The following MAPK4 variants were observed in gnomAD, a reference collection of about 807,000 sequenced individuals.
The protein encoded by MAPK4 is Erk3-related.
In MAPK4, 22 loss-of-function variants were observed where a neutral mutation model predicts 47.7. That is an observed-to-expected ratio of 0.46 (90% confidence interval 0.33 to 0.66). The LOEUF (loss-of-function observed/expected upper bound fraction) is 0.66. MAPK4 is among the 30% of genes least tolerant of loss of function. MAPK4 has a pLI of 0.02. For missense variants in MAPK4, 736 were observed against 831.7 expected, an observed-to-expected ratio of 0.88 and a Z score of 1.42; for synonymous variants, 390 against 365.7, an observed-to-expected ratio of 1.07 and a Z score of -0.76.
chr18:50,631,432 T>A (rs2042828910), intron 1 of MAPK4, among the ~76,000 whole-genome samples: 1 of 152,206 alleles, frequency 6.6e-6, no homozygotes, highest in South Asian at 2.1e-4. Context: ...TCACTAACAA[T>A]GTCCATGAGA....
intron 2 of MAPK4, among the ~76,000 whole-genome samples, chr18:50,708,980 G>A (rs1242860655): frequency 2.0e-5 from 3 of 152,172 alleles, no homozygotes; most frequent in South Asian, 2.1e-4. Flanking sequence ...ATAAATGTTA[G>A]CTGGTATTAT....
intron 2 of MAPK4, among the ~76,000 whole-genome samples, chr18:50,687,215 G>A (rs1465609218): frequency 6.6e-6 from 1 of 152,036 alleles, no homozygotes; most frequent in African/African-American, 2.4e-5. Flanking sequence ...TATAGAGACA[G>A]GTTCTCACTG....
intron 2 of MAPK4, among the ~76,000 whole-genome samples, chr18:50,675,207 G>C (rs1018450922): frequency 2.0e-5 from 3 of 152,176 alleles, no homozygotes; most frequent in African/African-American, 7.2e-5. Flanking sequence ...CTCAGAGACT[G>C]TGCTCTCAGC....
At chr18:50,627,147 T>G (rs571035193) in intron 1 of MAPK4, among the ~76,000 whole-genome samples, 1 of 150,288 alleles carries the variant, frequency 6.7e-6, no homozygotes, top group Non-Finnish European at 1.5e-5. Flanking sequence ...GACCACATGG[T>G]CAGAGGAGGC....
At chr18:50,621,606 T>G (rs1042742385) in intron 1 of MAPK4, among the ~76,000 whole-genome samples, 1 of 152,192 alleles carries the variant, frequency 6.6e-6, no homozygotes, top group African/African-American at 2.4e-5. Flanking sequence ...CAGATTTGAC[T>G]CTTTCTCTCC....
rs977690745 is a variant in MAPK4, at chr18:50,663,894, C to T, written c.-65C>T. On this transcript the variant is annotated 5_prime_UTR_variant, in exon 2 of 6. Transcript: ENST00000400384. ...TGAGGTGCGCGAGGGAGGCCGCTAG[C>T]CGAGACTTGGCCTTTCCTGACTGCC... 12 of 1,437,690 alleles carry T rather than the reference C, an allele frequency of 8.3e-6. No individual in the cohort carries two copies. In the African/African-American group the frequency reaches 1.7e-4, roughly 20 times the overall value. The allele number at this position is 1,437,690 out of a possible 1,614,324, so 89.1% of individuals were successfully genotyped here.
intron 1 of MAPK4, among the ~76,000 whole-genome samples, chr18:50,638,281 G>A (rs945479749): frequency 2.0e-5 from 3 of 152,174 alleles, no homozygotes; most frequent in Admixed American, 6.5e-5. Flanking sequence ...AACATTGGAG[G>A]CCTTGAAGTC....
At chr18:50,648,099 CAGAGAGAG>C (rs146378809) in intron 1 of MAPK4, among the ~76,000 whole-genome samples, 26 of 147,090 alleles carry the variant, frequency 1.8e-4, no homozygotes, top group African/African-American at 4.3e-4. Context: ...AAGAAAGACC[CAGAGAGAG>C]AGAGAGAGAG....
intron 2 of MAPK4, among the ~76,000 whole-genome samples, chr18:50,677,105 A>G (rs960090473): frequency 1.3e-5 from 2 of 152,172 alleles, no homozygotes; most frequent in Non-Finnish European, 2.9e-5. Context: ...CAAGGAATCT[A>G]GGTTGCACGC....
chr18:50,604,417 G>A (rs1007353532), intron 1 of MAPK4, among the ~76,000 whole-genome samples: 6 of 152,042 alleles, frequency 3.9e-5, no homozygotes, highest in Admixed American at 3.3e-4. Flanking sequence ...ACTTCATACC[G>A]GATAAATAAG....
At chr18:50,657,937 A>T (rs1396685403) in intron 1 of MAPK4, among the ~76,000 whole-genome samples, 1 of 152,036 alleles carries the variant, frequency 6.6e-6, no homozygotes, top group African/African-American at 2.4e-5. Flanking sequence ...TTTCCTGGGT[A>T]GGTGGCCACA....
At chr18:50,696,820 G>A (rs1909536833) in intron 2 of MAPK4, among the ~76,000 whole-genome samples, 1 of 152,232 alleles carries the variant, frequency 6.6e-6, no homozygotes, top group Non-Finnish European at 1.5e-5. Flanking sequence ...TGGCAGTGGG[G>A]TTGAGGTCCT....
At chr18:50,578,944 G>A (rs2149361746) in intron 1 of MAPK4, among the ~76,000 whole-genome samples, 1 of 152,310 alleles carries the variant, frequency 6.6e-6, no homozygotes, top group South Asian at 2.1e-4. Flanking sequence ...AGTATCCCTG[G>A]AGCAGCATGG....
intron 1 of MAPK4, among the ~76,000 whole-genome samples, chr18:50,640,382 C>CAAA (rs34039185): frequency 2.3e-5 from 3 of 128,836 alleles, no homozygotes; most frequent in Non-Finnish European, 3.3e-5. Context: ...TTCTTGTTTA[C>CAAA]AAAAAAAAAA....
chr18:50,693,322 C>T (rs1218493780), intron 2 of MAPK4, among the ~76,000 whole-genome samples: 1 of 152,086 alleles, frequency 6.6e-6, no homozygotes, highest in Non-Finnish European at 1.5e-5. Context: ...CCTGTGTGCC[C>T]TCACTTTATA....
At chr18:50,709,118 T>A in intron 2 of MAPK4, among the ~76,000 whole-genome samples, 1 of 151,924 alleles carries the variant, frequency 6.6e-6, no homozygotes, top group East Asian at 1.9e-4. Context: ...CGCCCACCCC[T>A]TCCATGTCCT....
chr18:50,683,753 C>A (rs1387043383), intron 2 of MAPK4, among the ~76,000 whole-genome samples: 2 of 152,080 alleles, frequency 1.3e-5, no homozygotes, highest in Non-Finnish European at 2.9e-5. Context: ...GCTCTTTCAG[C>A]CCCAGAGGAG....
At chr18:50,578,831 C>T (rs866805799) in intron 1 of MAPK4, among the ~76,000 whole-genome samples, 1 of 152,122 alleles carries the variant, frequency 6.6e-6, no homozygotes, top group Non-Finnish European at 1.5e-5. Flanking sequence ...AGGGGACAAA[C>T]ATGGGCAGGA....
At chr18:50,599,801 G>A (rs2042519275) in intron 1 of MAPK4, among the ~76,000 whole-genome samples, 1 of 152,160 alleles carries the variant, frequency 6.6e-6, no homozygotes, top group Non-Finnish European at 1.5e-5. Flanking sequence ...GCCTCAGCCT[G>A]AGTAACTTTC....
Sources: gnomAD v4.1 joint callset for allele counts (sites outside exome capture counted in the v4.1 genomes callset) on GRCh38, gnomAD v4.1.1 for gene constraint, MANE v1.5 for transcripts, NCBI Gene and HGNC (gene_info 2026-07-23, HGNC 2026-07-21) for gene names.